The following NNMT variants were observed in gnomAD, a reference collection of about 807,000 sequenced individuals.
NNMT encodes nicotinamide N-methyltransferase.
In NNMT, 10 loss-of-function variants were observed where a neutral mutation model predicts 11.7. The ratio of observed to expected loss-of-function variants is 0.85; its 90% confidence interval spans 0.53 to 1.45. The LOEUF (loss-of-function observed/expected upper bound fraction) is 1.45, where lower values mean the gene tolerates loss of function less well. NNMT is among the 40% of genes most tolerant of loss of function. The pLI is 0.00. For synonymous variants in NNMT, 143 were observed against 133.8 expected, an observed-to-expected ratio of 1.07 and a Z score of -0.48; for missense variants, 381 against 319.4, an observed-to-expected ratio of 1.19 and a Z score of -1.47.
chr11:114,284,959 A>C (rs772670192), intron 2 of NNMT, among the ~76,000 whole-genome samples: 1 of 151,542 alleles, frequency 6.6e-6, no homozygotes, highest in Non-Finnish European at 1.5e-5. Flanking sequence ...CAGTAGAGAC[A>C]GTTTCATCAT....
At chr11:114,290,534 A>T (rs1945327715) in intron 2 of NNMT, among the ~76,000 whole-genome samples, 1 of 152,208 alleles carries the variant, frequency 6.6e-6, no homozygotes, top group Non-Finnish European at 1.5e-5. Flanking sequence ...AAGCAATCTG[A>T]TGCAGGGGGG....
rs893106700 is a variant in NNMT at position 114,259,525 on chromosome 11, G to A, written c.-217+1647G>A. ...ATGCGGGGCAGGAGAGGGGCTGGGG[G>A]GTTGCATATGTAGACACCTGGTCCT... On this transcript the variant is annotated intron_variant, in intron 1 of 4. Coordinates refer to the NNMT transcript ENST00000535401. Among the ~76,000 whole-genome samples the A allele has an allele frequency of 4.5e-4, 69 of 152,334 alleles. 1 individual carries two copies. Among genetic ancestry groups the A allele is most frequent in the Non-Finnish European group, 9.7e-4 (66 of 68,018 alleles).
intron 2 of NNMT, among the ~76,000 whole-genome samples, chr11:114,305,000 C>A (rs1276820613): frequency 7.7e-6 from 1 of 129,434 alleles, no homozygotes; most frequent in African/African-American, 3.2e-5. Flanking sequence ...ATTACTTAAC[C>A]TATGGTTCCT....
At chr11:114,272,371 G>T (rs918607113) in intron 2 of NNMT, among the ~76,000 whole-genome samples, 2 of 152,168 alleles carry the variant, frequency 1.3e-5, no homozygotes, top group African/African-American at 4.8e-5. Flanking sequence ...GCTCAGGGTA[G>T]CTGTGAAAAC....
chr11:114,259,080 T>C (rs1945053442), intron 1 of NNMT, among the ~76,000 whole-genome samples: 1 of 152,222 alleles, frequency 6.6e-6, no homozygotes, highest in African/African-American at 2.4e-5. Flanking sequence ...TACCAGACTG[T>C]CAGTTCCTTG....
chr11:114,263,078 C>T (rs908068717), intron 2 of NNMT: 5 of 152,192 alleles, frequency 3.3e-5, no homozygotes, highest in Non-Finnish European at 7.3e-5. Context: ...TACCATTCCT[C>T]CTTCACCCCC....
rs140782662 is a variant in NNMT at position 114,302,456 on chromosome 11, C to T, written c.362+4298C>T. Among the ~76,000 whole-genome samples, 18 of 152,134 alleles carry T rather than the reference C, an allele frequency of 1.2e-4. No homozygotes were observed. In the South Asian group the frequency reaches 1.2e-3, roughly 11 times the overall value. On this transcript the variant is annotated intron_variant, in intron 2 of 2. Transcript: ENST00000299964. ...ATTCCAAAAGTGTAATTTCCTTAAC[C>T]GACTTTCCTGGCCCTTATGTTCTTG... is the stretch of plus-strand genomic sequence containing the variant.
chr11:114,277,400 T>G (rs1945222019), intron 2 of NNMT, among the ~76,000 whole-genome samples: 1 of 152,174 alleles, frequency 6.6e-6, no homozygotes, highest in Non-Finnish European at 1.5e-5. Context: ...ATGCATGAAA[T>G]GAGTGGTTCT....
intron 2 of NNMT, among the ~76,000 whole-genome samples, chr11:114,274,543 C>T (rs981193215): frequency 6.6e-6 from 1 of 152,222 alleles, no homozygotes; most frequent in Non-Finnish European, 1.5e-5. Flanking sequence ...CAGAGCTTCA[C>T]GTGGCTCTCT....
chr11:114,302,997 G>A (rs1945452599), intron 2 of NNMT, among the ~76,000 whole-genome samples: 1 of 152,178 alleles, frequency 6.6e-6, no homozygotes, highest in Admixed American at 6.5e-5. Context: ...CCAGCCTTTA[G>A]AATTGTAGGA....
intron 2 of NNMT, among the ~76,000 whole-genome samples, chr11:114,306,415 T>C (rs548026657): frequency 1.3e-5 from 2 of 152,324 alleles, no homozygotes; most frequent in East Asian, 3.9e-4. Flanking sequence ...AGACATGAAG[T>C]CCTTGCCCAT....
chr11:114,280,893 G>GT (rs1945256461), intron 2 of NNMT, among the ~76,000 whole-genome samples: 1 of 152,148 alleles, frequency 6.6e-6, no homozygotes, highest in African/African-American at 2.4e-5. Context: ...CTGCACTCCT[G>GT]TTCTCCCAGA....
upstream of NNMT, among the ~76,000 whole-genome samples, chr11:114,294,901 G>A (rs773703150): frequency 1.3e-5 from 2 of 152,188 alleles, no homozygotes; most frequent in South Asian, 2.1e-4. Flanking sequence ...ATTGACACAA[G>A]GCCAATAGTC....
chr11:114,290,003 G>C (rs553271787), intron 2 of NNMT, among the ~76,000 whole-genome samples: 1 of 152,168 alleles, frequency 6.6e-6, no homozygotes. Context: ...GTGAAAGGGT[G>C]AATGAGCTCT....
At chr11:114,269,806 T>C (rs553291156) in intron 2 of NNMT, among the ~76,000 whole-genome samples, 19 of 152,360 alleles carry the variant, frequency 1.2e-4, no homozygotes, top group Middle Eastern at 6.8e-3. Context: ...GACTTTTATC[T>C]TTATTAATTT....
intron 1 of NNMT, 48 bp downstream of exon 1, chr11:114,296,758 T>G: frequency 6.3e-7 from 1 of 1,588,226 alleles, no homozygotes; most frequent in Non-Finnish European, 8.6e-7. Context: ...GTCATATAGA[T>G]GGAGTCTCAG....
chr11:114,306,315 T>C (rs139201774), intron 2 of NNMT, among the ~76,000 whole-genome samples: 2,486 of 152,352 alleles, frequency 0.016, 59 homozygotes, highest in African/African-American at 0.054. Flanking sequence ...TTCACTCTGA[T>C]GCTAGTTTCT....
chr11:114,288,367 A>G (rs1945312939), intron 2 of NNMT, among the ~76,000 whole-genome samples: 1 of 152,160 alleles, frequency 6.6e-6, no homozygotes, highest in Admixed American at 6.5e-5. Flanking sequence ...TTATCTGATT[A>G]AGGAAGTCTT....
intron 1 of NNMT, among the ~76,000 whole-genome samples, chr11:114,258,278 G>A (rs932154335): frequency 2.6e-5 from 4 of 152,244 alleles, no homozygotes; most frequent in African/African-American, 9.6e-5. Context: ...CTGTAGTCCT[G>A]GCTGGGTTCA....
Sources: gnomAD v4.1 joint callset for allele counts (sites outside exome capture counted in the v4.1 genomes callset) on GRCh38, gnomAD v4.1.1 for gene constraint, MANE v1.5 for transcripts, NCBI Gene and HGNC (gene_info 2026-07-23, HGNC 2026-07-21) for gene names.